Variants in SCN8A observed in about 807,000 individuals in gnomAD.
SCN8A encodes sodium channel protein type 8 subunit alpha.
In SCN8A, 30 loss-of-function variants were observed where a neutral mutation model predicts 184.1. That is an observed-to-expected ratio of 0.16 (90% confidence interval 0.12 to 0.22). The LOEUF is 0.22. Ranked by LOEUF, SCN8A falls within the 10% of genes least tolerant of loss-of-function variation. The pLI is 1.00. For missense variants in SCN8A, 1,057 were observed against 2,498.9 expected, an observed-to-expected ratio of 0.42 and a Z score of 12.30; for synonymous variants, 852 against 907.0, an observed-to-expected ratio of 0.94 and a Z score of 1.09.
In SCN8A at chr12:51,663,082, T is replaced by C; in HGVS notation, c.265T>C (p.Leu89=). The C allele has an allele frequency of 6.2e-7, 1 of 1,613,576 alleles. No individual in the cohort carries two copies. Among genetic ancestry groups the C allele is most frequent in the Non-Finnish European group, 8.5e-7 (1 of 1,179,516 alleles). Residue 89 remains leucine, a synonymous_variant, in exon 2 of 27, where the codon TTG becomes CTG. Transcript: ENST00000627620. ...CCTGGAGGACTTTGACCCATACTAT[T>C]TGACGCAGAAAGTGAGTTGGAGGAG... is the stretch of plus-strand genomic sequence containing the variant. ...VPLEDFDPYY[L]TQKTFVVLNR...
chr12:51,674,877 TA>T (rs1176077855), intron 2 of SCN8A, among the ~76,000 whole-genome samples: 1 of 152,184 alleles, frequency 6.6e-6, no homozygotes, highest in Non-Finnish European at 1.5e-5. Context: ...TTAGCAACCT[TA>T]ACATAAGTTG....
intron 1 of SCN8A, among the ~76,000 whole-genome samples, chr12:51,644,629 G>A (rs949929173): frequency 6.6e-5 from 10 of 152,160 alleles, no homozygotes; most frequent in Non-Finnish European, 1.3e-4. Context: ...CCAAAGTGCC[G>A]AGATTGCAGC....
intron 6 of SCN8A, among the ~76,000 whole-genome samples, chr12:51,696,332 T>C (rs1941592237): frequency 6.6e-6 from 1 of 152,206 alleles, no homozygotes; most frequent in Non-Finnish European, 1.5e-5. Flanking sequence ...TGCGTAATTT[T>C]AGAAGCCTAG....
chr12:51,804,244 G>A (rs1434511668), intron 26 of SCN8A, among the ~76,000 whole-genome samples: 2 of 152,074 alleles, frequency 1.3e-5, no homozygotes, highest in Non-Finnish European at 2.9e-5. Flanking sequence ...GCTCCGATTT[G>A]TACACTTTCA....
chr12:51,604,322 ACTGT>A (rs960533494), intron 1 of SCN8A, among the ~76,000 whole-genome samples: 5 of 152,124 alleles, frequency 3.3e-5, no homozygotes, highest in African/African-American at 1.2e-4. Context: ...TGTTCAAAAG[ACTGT>A]CTTTCTCCTG....
chr12:51,601,497 G>T (rs552662583), intron 1 of SCN8A, among the ~76,000 whole-genome samples: 1 of 151,914 alleles, frequency 6.6e-6, no homozygotes, highest in East Asian at 1.9e-4. Flanking sequence ...TGCCCAAGGG[G>T]TAAGACTTAT....
At chr12:51,703,436 T>C (rs1196421776) in intron 9 of SCN8A, among the ~76,000 whole-genome samples, 1 of 152,162 alleles carries the variant, frequency 6.6e-6, no homozygotes, top group East Asian at 1.9e-4. Flanking sequence ...GAGCCACCAT[T>C]AGGGCTTCTG....
At chr12:51,714,441 A>G (rs565648471) in intron 11 of SCN8A, among the ~76,000 whole-genome samples, 1 of 152,332 alleles carries the variant, frequency 6.6e-6, no homozygotes, top group East Asian at 1.9e-4. Flanking sequence ...CAATCTCATC[A>G]TAAAACTATT....
At chr12:51,691,094 C>T (rs1941498441) in intron 6 of SCN8A, among the ~76,000 whole-genome samples, 1 of 152,134 alleles carries the variant, frequency 6.6e-6, no homozygotes, top group African/African-American at 2.4e-5. Context: ...TCTGGAATGC[C>T]ACATCTTTAC....
chr12:51,731,363 G>A (rs1565903277), intron 12 of SCN8A, among the ~76,000 whole-genome samples: 1 of 151,938 alleles, frequency 6.6e-6, no homozygotes, highest in Admixed American at 6.6e-5. Flanking sequence ...CGATTCTCCT[G>A]CCTTGGCCTC....
chr12:51,656,217 A>G (rs1044344895), intron 1 of SCN8A, among the ~76,000 whole-genome samples: 1 of 152,238 alleles, frequency 6.6e-6, no homozygotes, highest in Non-Finnish European at 1.5e-5. Flanking sequence ...AACAGTGACC[A>G]GACATTTTAT....
intron 6 of SCN8A, among the ~76,000 whole-genome samples, chr12:51,696,970 C>T (rs537838362): frequency 5.0e-4 from 73 of 145,956 alleles, no homozygotes; most frequent in African/African-American, 1.8e-3. Context: ...ACCCAGAAGA[C>T]GGAGGTTGCA....
intron 1 of SCN8A, among the ~76,000 whole-genome samples, chr12:51,625,237 C>T (rs534490560): frequency 6.6e-6 from 1 of 152,296 alleles, no homozygotes; most frequent in Admixed American, 6.5e-5. Flanking sequence ...GTTTTTCATC[C>T]CTGTAGTTTT....
Position 51,705,388 on chromosome 12 carries a change from G to T in SCN8A, c.1135-29G>T. The T allele has an allele frequency of 2.5e-6, 4 of 1,610,590 alleles. No individual in the cohort carries two copies. The South Asian group carries it at 3.3e-5, about 13-fold the overall frequency. On this transcript the variant is annotated intron_variant, in intron 9 of 26. Transcript: ENST00000627620. ...TCAGCCCGGTTCATTTGGTACAAGT[G>T]ACTCAGAAAATGGCCTTTGTCTTTG...
chr12:51,700,656 G>C (rs1027179964), intron 7 of SCN8A, among the ~76,000 whole-genome samples: 1 of 152,156 alleles, frequency 6.6e-6, no homozygotes, highest in African/African-American at 2.4e-5. Flanking sequence ...AGTCAGTTTA[G>C]TAACCATAAG....
At chr12:51,600,422 C>T (rs1256169602) in intron 1 of SCN8A, among the ~76,000 whole-genome samples, 1 of 152,058 alleles carries the variant, frequency 6.6e-6, no homozygotes, top group Non-Finnish European at 1.5e-5. Flanking sequence ...AAATTGCAGG[C>T]TGAGTTAAAG....
chr12:51,638,411 C>T lies in SCN8A; in HGVS notation c.-54-24353C>T, dbSNP rs560269637. 8.2e-3 allele frequency among the ~76,000 whole-genome samples: 1,240 copies of T among 151,848 alleles called. 14 individuals are homozygous for T. Among genetic ancestry groups the T allele is most frequent in the African/African-American group, 0.024 (1,008 of 41,436 alleles). Reference sequence around the variant, plus strand: ...CTTCTGGAAAAGATTCATCATTCTACAAGCCGTAAGAATATCTGTCATCTG... The same window carrying T: ...CTTCTGGAAAAGATTCATCATTCTATAAGCCGTAAGAATATCTGTCATCTG... On this transcript the variant is annotated intron_variant, in intron 1 of 26. Coordinates refer to ENST00000627620, the MANE Select transcript of SCN8A (RefSeq NM_001330260.2).
At chr12:51,748,649 C>T (rs1942550092) in intron 13 of SCN8A, among the ~76,000 whole-genome samples, 1 of 152,162 alleles carries the variant, frequency 6.6e-6, no homozygotes, top group South Asian at 2.1e-4. Flanking sequence ...TCAGGTAAAA[C>T]AATTCCAAAA....
At chr12:51,700,683 G>A (rs1296103937) in intron 7 of SCN8A, among the ~76,000 whole-genome samples, 1 of 152,184 alleles carries the variant, frequency 6.6e-6, no homozygotes, top group Non-Finnish European at 1.5e-5. Flanking sequence ...TTGCAAAGGA[G>A]ATTTCGGGGA....
Sources: gnomAD v4.1 joint callset for allele counts (sites outside exome capture counted in the v4.1 genomes callset) on GRCh38, gnomAD v4.1.1 for gene constraint, MANE v1.5 for transcripts, NCBI Gene and HGNC (gene_info 2026-07-23, HGNC 2026-07-21) for gene names.